The following PHF14 variants were observed in gnomAD, a reference collection of about 807,000 sequenced individuals.
PHF14 encodes the protein PHD finger protein 14.
PHF14 carries 55 observed loss-of-function variants against 117.9 expected under a neutral mutation model. The ratio of observed to expected loss-of-function variants is 0.47; its 90% CI spans 0.38 to 0.58. PHF14 has a LOEUF of 0.58. Ranked by LOEUF, PHF14 falls within the 20% of genes least tolerant of loss-of-function variation. The pLI is 0.00. For synonymous variants in PHF14, 409 were observed against 368.6 expected (o/e 1.11, Z -1.26); for missense variants, 978 against 1,122.2 (o/e 0.87, Z 1.84).
chr7:11,159,227 A>T (rs749291895), intron 17 of PHF14, among the ~76,000 whole-genome samples: 1 of 151,966 alleles, frequency 6.6e-6, no homozygotes, highest in Non-Finnish European at 1.5e-5. Flanking sequence ...TAAGATTGTT[A>T]TAATGCCATT....
chr7:11,140,008 T>G lies in PHF14; in HGVS notation c.2772+28541T>G, dbSNP rs137945936. On this transcript the variant is annotated intron_variant, in intron 17 of 17. Coordinates refer to ENST00000634607, the MANE Select transcript of PHF14 (RefSeq NM_001007157.2). Reference sequence around the variant, plus strand: ...ACTTCCAGAGGTCTTTGACTAGAACTCACAGTAAGAAATACATGTTACCCT... The same window carrying G: ...ACTTCCAGAGGTCTTTGACTAGAACGCACAGTAAGAAATACATGTTACCCT... Among the ~76,000 whole-genome samples the G allele has an allele frequency of 5.3e-3, 806 of 152,238 alleles. 7 individuals are homozygous for G. The highest frequency in any genetic ancestry group is 0.019 in the African/African-American group (780 of 41,556).
intron 16 of PHF14, chr7:11,105,992 A>C (rs1490917494): frequency 1.0e-6 from 1 of 984,850 alleles, no homozygotes; most frequent in Non-Finnish European, 1.2e-6. Flanking sequence ...AAAATTTCCA[A>C]GGGCATGAGC....
intron 3 of PHF14, among the ~76,000 whole-genome samples, chr7:10,986,969 T>A (rs1343268100): frequency 6.6e-6 from 1 of 152,222 alleles, no homozygotes; most frequent in Non-Finnish European, 1.5e-5. Context: ...TTTATGTTCT[T>A]TGCTGAGTAG....
chr7:11,004,351 C>CT (rs56235368), intron 4 of PHF14, among the ~76,000 whole-genome samples: 1,904 of 130,728 alleles, frequency 0.015, 46 homozygotes, highest in East Asian at 0.11. Context: ...TTCTTCCAGG[C>CT]TTTTTTTTTT....
intron 12 of PHF14, among the ~76,000 whole-genome samples, chr7:11,041,277 T>C (rs1326326020): frequency 1.3e-5 from 2 of 152,078 alleles, no homozygotes; most frequent in African/African-American, 2.4e-5. Flanking sequence ...TTTTGTTTTT[T>C]ACTTTCTTTG....
At chr7:11,128,782 C>T (rs1268248918) in intron 17 of PHF14, among the ~76,000 whole-genome samples, 2 of 151,450 alleles carry the variant, frequency 1.3e-5, no homozygotes, top group African/African-American at 2.4e-5. Context: ...TTCTCTTCCC[C>T]TCCTTCTTTC....
intron 14 of PHF14, among the ~76,000 whole-genome samples, chr7:11,052,222 C>G (rs1234555739): frequency 6.6e-6 from 1 of 152,132 alleles, no homozygotes; most frequent in African/African-American, 2.4e-5. Flanking sequence ...TTTTGAATTT[C>G]ATATGAATGG....
At chr7:11,071,299 T>C in intron 16 of PHF14, 1 of 518,622 alleles carries the variant, frequency 1.9e-6, no homozygotes, top group South Asian at 1.4e-5. Context: ...TTACATTTGA[T>C]CACAAGCTCC....
Position 11,051,594 on chromosome 7 carries a change from T to A in PHF14, c.2313-18T>A. The A allele has an allele frequency of 1.3e-6, 2 of 1,593,262 alleles. No homozygotes were observed. The highest frequency in any genetic ancestry group is 1.7e-6 in the Non-Finnish European group (2 of 1,170,088). ...GATAATAATAAATGCATGACTTAAATTTTTCCCCTTTATGTAGGCAGTGCT... is the reference window on the plus strand; with the variant it reads ...GATAATAATAAATGCATGACTTAAAATTTTCCCCTTTATGTAGGCAGTGCT... On this transcript the variant is annotated intron_variant, in intron 13 of 17. Coordinates refer to ENST00000634607, the MANE Select transcript of PHF14 (RefSeq NM_001007157.2).
intron 16 of PHF14, among the ~76,000 whole-genome samples, chr7:11,082,110 G>A (rs1233151379): frequency 1.1e-4 from 17 of 152,096 alleles, no homozygotes; most frequent in Admixed American, 2.6e-4. Flanking sequence ...TTGGGAGGCC[G>A]AGGTGGGAGG....
chr7:11,090,972 T>C (rs1786621095), intron 16 of PHF14, among the ~76,000 whole-genome samples: 1 of 152,084 alleles, frequency 6.6e-6, no homozygotes, highest in Admixed American at 6.6e-5. Context: ...GAGTCATGTG[T>C]GATGTAGGTT....
At chr7:10,974,754 C>CT in intron 1 of PHF14, 81 bp from the exon 2 acceptor site, 1 of 747,842 alleles carries the variant, frequency 1.3e-6, no homozygotes. Context: ...GCGAGGTCAT[C>CT]TTTATGTTCT....
chr7:11,034,769 G>A (rs61647045), intron 7 of PHF14, among the ~76,000 whole-genome samples: 2,011 of 151,542 alleles, frequency 0.013, 41 homozygotes, highest in African/African-American at 0.045. Flanking sequence ...GGCTAGTCTC[G>A]AACTCCCAAC....
chr7:11,020,090 C>CT lies in PHF14; in HGVS notation c.1206-2767dup, dbSNP rs879440253. The stretch of plus-strand genomic sequence containing the variant: ...TGAAATCTTTATGTCTCAGTTCTTT[C>CT]TTTTTTTTTTTCCAATCAGACGGGG... On this transcript the variant is annotated intron_variant, in intron 5 of 17. Transcript: ENST00000634607. Among the ~76,000 whole-genome samples the CT allele has an allele frequency of 3.2e-3, 469 of 147,568 alleles. 4 individuals carry two copies. The highest frequency in any genetic ancestry group is 3.6e-3 in the Middle Eastern group (1 of 278).
At chr7:11,077,599 T>TTAA (rs1554268795) in intron 16 of PHF14, among the ~76,000 whole-genome samples, 1 of 105,064 alleles carries the variant, frequency 9.5e-6, no homozygotes. Flanking sequence ...GACTCTGTCT[T>TTAA]AAAAAAAAAA....
chr7:11,000,475 G>A (rs1232027516), intron 4 of PHF14, among the ~76,000 whole-genome samples: 1 of 151,438 alleles, frequency 6.6e-6, no homozygotes, highest in Non-Finnish European at 1.5e-5. Context: ...GTGTAGCTGG[G>A]ATTACAGGCA....
intron 16 of PHF14, among the ~76,000 whole-genome samples, chr7:11,072,826 T>C (rs920884483): frequency 4.6e-5 from 7 of 152,162 alleles, no homozygotes; most frequent in African/African-American, 1.7e-4. Flanking sequence ...ACAATCATGG[T>C]GGAAGGCAAA....
intron 17 of PHF14, among the ~76,000 whole-genome samples, chr7:11,120,578 A>G (rs1411912335): frequency 1.3e-5 from 2 of 152,036 alleles, no homozygotes; most frequent in African/African-American, 2.4e-5. Flanking sequence ...AATGAAAGCT[A>G]TCTTTATAAT....
chr7:11,112,658 C>A (rs752211753), intron 17 of PHF14, among the ~76,000 whole-genome samples: 8 of 151,896 alleles, frequency 5.3e-5, no homozygotes, highest in Non-Finnish European at 8.8e-5. Context: ...CTAATCCCAG[C>A]TACTTGGGAG....
Sources: gnomAD v4.1 joint callset for allele counts (sites outside exome capture counted in the v4.1 genomes callset) on GRCh38, gnomAD v4.1.1 for gene constraint, MANE v1.5 for transcripts, NCBI Gene and HGNC (gene_info 2026-07-23, HGNC 2026-07-21) for gene names.